The following MYO1B variants were observed in gnomAD, a reference collection of about 807,000 sequenced individuals.
MYO1B encodes the protein myosin IB, also known as unconventional myosin-Ib.
In MYO1B, 72 loss-of-function variants were observed where a neutral mutation model predicts 159.7. The ratio of observed to expected loss-of-function variants is 0.45; its 90% confidence interval spans 0.37 to 0.55. MYO1B has a LOEUF of 0.55. MYO1B is among the 20% of genes least tolerant of loss of function. The pLI is 0.00. For synonymous variants in MYO1B, 468 were observed against 473.8 expected, an observed-to-expected ratio of 0.99 and a Z score of 0.16; for missense variants, 1,062 against 1,364.8, an observed-to-expected ratio of 0.78 and a Z score of 3.50.
chr2:191,369,194 A>G (rs1053447742), intron 11 of MYO1B, among the ~76,000 whole-genome samples: 1 of 152,178 alleles, frequency 6.6e-6, no homozygotes, highest in African/African-American at 2.4e-5. Flanking sequence ...TCTGATGACT[A>G]TGTAACATTA....
chr2:191,345,353 T>G (rs188536355), intron 5 of MYO1B, among the ~76,000 whole-genome samples: 48 of 152,332 alleles, frequency 3.2e-4, no homozygotes, highest in African/African-American at 1.1e-3. Context: ...ATACAACTTA[T>G]GTTTAGGCTA....
intron 2 of MYO1B, among the ~76,000 whole-genome samples, chr2:191,295,612 G>A (rs67342262): frequency 0.37 from 56,231 of 151,660 alleles, 10,619 homozygotes; most frequent in Middle Eastern, 0.53. Flanking sequence ...AGCCCATTGT[G>A]GAAAGATTGA....
At chr2:191,384,415 T>C (rs951485665) in intron 15 of MYO1B, among the ~76,000 whole-genome samples, 6 of 152,244 alleles carry the variant, frequency 3.9e-5, no homozygotes, top group African/African-American at 1.2e-4. Context: ...TTGGGAAATA[T>C]GTAATTAGCC....
intron 3 of MYO1B, among the ~76,000 whole-genome samples, chr2:191,297,858 C>A (rs868585170): frequency 8.5e-5 from 13 of 152,148 alleles, no homozygotes; most frequent in African/African-American, 3.1e-4. Flanking sequence ...AGGGTGCTTG[C>A]TGCCAGTGGG....
intron 5 of MYO1B, among the ~76,000 whole-genome samples, 183 bp downstream of exon 5, chr2:191,341,748 G>T (rs1212284745): frequency 2.6e-5 from 4 of 152,126 alleles, no homozygotes; most frequent in Non-Finnish European, 5.9e-5. Flanking sequence ...GTGTTTAGCA[G>T]AATAGTTTAC....
At chr2:191,420,577 A>G (rs1487045107) in intron 30 of MYO1B, among the ~76,000 whole-genome samples, 2 of 152,228 alleles carry the variant, frequency 1.3e-5, no homozygotes, top group Non-Finnish European at 2.9e-5. Context: ...CACTCACTCT[A>G]TGATGTTTGC....
intron 21 of MYO1B, among the ~76,000 whole-genome samples, chr2:191,397,833 A>G (rs1314465463): frequency 3.6e-5 from 5 of 139,278 alleles, no homozygotes; most frequent in Non-Finnish European, 7.9e-5. Context: ...TGACCACCCC[A>G]CCACCCTCCC....
At chr2:191,296,680 C>T (rs1052041744) in intron 3 of MYO1B, among the ~76,000 whole-genome samples, 4 of 152,110 alleles carry the variant, frequency 2.6e-5, no homozygotes, top group Non-Finnish European at 2.9e-5. Context: ...TCACCAGATG[C>T]GTGGGATAGG....
intron 17 of MYO1B, 96 bp from the exon 18 acceptor site, chr2:191,390,196 T>C: frequency 8.9e-7 from 1 of 1,121,244 alleles, no homozygotes; most frequent in East Asian, 2.5e-5. Context: ...CATAATTGTT[T>C]TGCTATGAAA....
chr2:191,275,421 G>A (rs949255450), intron 1 of MYO1B, among the ~76,000 whole-genome samples: 1 of 152,004 alleles, frequency 6.6e-6, no homozygotes. Flanking sequence ...ATGTTTGTGG[G>A]TTCATATAAA....
At chr2:191,360,314 T>C (rs1187113101) in intron 7 of MYO1B, among the ~76,000 whole-genome samples, 5 of 152,244 alleles carry the variant, frequency 3.3e-5, no homozygotes, top group Non-Finnish European at 5.9e-5. Context: ...CTTACATTTG[T>C]AACGTCACAT....
chr2:191,395,312 G>T (rs1183589447), intron 20 of MYO1B, among the ~76,000 whole-genome samples: 1 of 152,086 alleles, frequency 6.6e-6, no homozygotes, highest in East Asian at 1.9e-4. Context: ...AAGGTGAGTG[G>T]CTTGTCTGAG....
chr2:191,418,145 C>T lies in MYO1B; in HGVS notation c.3287+1903C>T, dbSNP rs151011818. Among the ~76,000 whole-genome samples the T allele has an allele frequency of 5.2e-3, 794 of 152,288 alleles. 2 individuals are homozygous for T. Among genetic ancestry groups the T allele is most frequent in the Non-Finnish European group, 7.1e-3 (483 of 68,028 alleles). ...AGTTCATAGGACTCTACATAGCACC[C>T]GTGGGTCCCTTCCCCAGGTGGCACA... On this transcript the variant is annotated intron_variant, in intron 30 of 30. Transcript: ENST00000392318.
chr2:191,400,494 G>A (rs745369708), intron 22 of MYO1B, 26 bp downstream of exon 22: 42 of 1,612,306 alleles, frequency 2.6e-5, no homozygotes, highest in East Asian at 4.5e-5. Context: ...CAAGGAAGGC[G>A]GTGGGTCAGC....
At chr2:191,324,832 T>C (rs1486456062) in intron 3 of MYO1B, among the ~76,000 whole-genome samples, 1 of 152,144 alleles carries the variant, frequency 6.6e-6, no homozygotes, top group Non-Finnish European at 1.5e-5. Flanking sequence ...CCTTAAGATG[T>C]GATAAGATGA....
intron 5 of MYO1B, among the ~76,000 whole-genome samples, chr2:191,344,790 G>A (rs1275955509): frequency 7.3e-5 from 10 of 136,192 alleles, no homozygotes; most frequent in South Asian, 2.3e-4. Context: ...AGATCCCGCC[G>A]CTGCACTCCA....
At chr2:191,381,172 A>C in intron 13 of MYO1B, 1 of 412,358 alleles carries the variant, frequency 2.4e-6, no homozygotes, top group East Asian at 5.3e-5. Flanking sequence ...CAGCAAAGGA[A>C]GTGAGATTGT....
In MYO1B at chr2:191,350,218, A is replaced by C; in HGVS notation, c.555A>C (p.Ile185=). The C allele has an allele frequency of 6.2e-7, 1 of 1,611,500 alleles. No homozygotes were observed. The highest frequency in any genetic ancestry group is 1.3e-5 in the African/African-American group (1 of 74,986). The part of the protein sequence containing the change: ...DFKGDPLGGV[I]SNYLLEKSRV... Reference sequence around the variant, plus strand: ...AAGGCGATCCACTAGGAGGAGTAATAAGTAACTGTGAGTATTTTTCTTCAG... The same window carrying C: ...AAGGCGATCCACTAGGAGGAGTAATCAGTAACTGTGAGTATTTTTCTTCAG... Residue 185 remains isoleucine, a synonymous_variant, in exon 7 of 31, where the codon ATA becomes ATC. Transcript: ENST00000392318.
intron 30 of MYO1B, among the ~76,000 whole-genome samples, chr2:191,421,004 C>T (rs1697900006): frequency 6.6e-6 from 1 of 151,902 alleles, no homozygotes; most frequent in East Asian, 1.9e-4. Context: ...TAGTAAATGG[C>T]CAAGCACAGT....
Sources: gnomAD v4.1 joint callset for allele counts (sites outside exome capture counted in the v4.1 genomes callset) on GRCh38, gnomAD v4.1.1 for gene constraint, MANE v1.5 for transcripts, NCBI Gene and HGNC (gene_info 2026-07-23, HGNC 2026-07-21) for gene names.